Variants in CD36 observed in about 807,000 individuals in gnomAD.
The protein encoded by CD36 is platelet glycoprotein 4.
Under a neutral mutation model 55.2 loss-of-function variants are expected in CD36, and 119 were observed. The observed-to-expected ratio is 2.15, with a 90% CI of 1.86 to 2.51. The LOEUF (loss-of-function observed/expected upper bound fraction) is 2.51, where lower values mean the gene tolerates loss of function less well. Among genes scored for constraint, CD36 ranks in the 30% most tolerant of loss-of-function variants. The pLI is 0.00. For synonymous variants in CD36, 186 were observed against 193.6 expected (o/e 0.96, Z 0.33); for missense variants, 819 against 555.5 (o/e 1.47, Z -4.77).
chr7:80,646,593 C>A, intron 2 of CD36, 59 bp from the exon 3 acceptor site: 1 of 923,168 alleles, frequency 1.1e-6, no homozygotes. Flanking sequence ...TTTCTTTGTA[C>A]TTTGATCTTT....
chr7:80,672,573 T>C (rs1797800082), intron 11 of CD36, among the ~76,000 whole-genome samples, 197 bp from the exon 12 acceptor site: 1 of 151,440 alleles, frequency 6.6e-6, no homozygotes, highest in Admixed American at 6.6e-5. Flanking sequence ...TGACATTCGA[T>C]TGGGCAAATA....
intron 9 of CD36, chr7:80,670,342 T>G: frequency 2.8e-6 from 1 of 352,300 alleles, no homozygotes; most frequent in Non-Finnish European, 5.3e-6. Flanking sequence ...TAATGTGCTC[T>G]GCTCAGATTT....
At chr7:80,676,326 A>C (rs370086586) in intron 14 of CD36, 58 bp from the exon 15 acceptor site, 27 of 152,164 alleles carry the variant, frequency 1.8e-4, no homozygotes, top group South Asian at 4.1e-4. Flanking sequence ...ACAAAAAAAA[A>C]CCCAGCAGCT....
intron 1 of CD36, among the ~76,000 whole-genome samples, chr7:80,618,374 C>T (rs1034829502): frequency 2.0e-5 from 3 of 152,110 alleles, no homozygotes; most frequent in Non-Finnish European, 2.9e-5. Flanking sequence ...CAATTTATAA[C>T]CCTACAATGG....
Position 80,605,417 on chromosome 7 carries a change from A to T in CD36, c.-184+3038A>T, listed in dbSNP as rs544558464. Among the ~76,000 whole-genome samples the T allele has an allele frequency of 2.6e-5, 4 of 152,260 alleles. No homozygotes were observed. The South Asian group carries it at 8.3e-4, about 32-fold the overall frequency. ...AACTGTTAGTTAATGGTGAAAGCAT[A>T]TTCATCATTTTATGGACACTTTTCC... On this transcript the variant is annotated intron_variant, in intron 1 of 13. Coordinates refer to the CD36 transcript ENST00000309881.
At chr7:80,650,885 CTT>C (rs1455935140) in intron 3 of CD36, among the ~76,000 whole-genome samples, 1 of 143,618 alleles carries the variant, frequency 7.0e-6, no homozygotes, top group African/African-American at 2.6e-5. Flanking sequence ...GACCGTGATT[CTT>C]AATAGAGTTG....
At chr7:80,671,731 GCTTTA>G (rs1258621393) in intron 10 of CD36, among the ~76,000 whole-genome samples, 186 bp from the exon 11 acceptor site, 2 of 151,950 alleles carry the variant, frequency 1.3e-5, no homozygotes, top group Non-Finnish European at 2.9e-5. Flanking sequence ...CTGCCTGAAA[GCTTTA>G]CATATTGAAA....
At chr7:80,614,548 C>T (rs1428953431) in intron 1 of CD36, among the ~76,000 whole-genome samples, 1 of 152,094 alleles carries the variant, frequency 6.6e-6, no homozygotes, top group Non-Finnish European at 1.5e-5. Context: ...GTCTCTTGTA[C>T]ATTAGTCTGT....
At chr7:80,634,677 T>C (rs1309492428), upstream of CD36, among the ~76,000 whole-genome samples, 1 of 152,138 alleles carries the variant, frequency 6.6e-6, no homozygotes, top group African/African-American at 2.4e-5. Context: ...GTTGCAATAT[T>C]TGTTACTCAA....
In CD36 at chr7:80,661,127, C is replaced by T. The variant is rs748962842; in HGVS notation, c.346C>T (p.Gln116Ter). ...DAEDNTVSFL[Q>*]PNGAIFEPSL... is the part of the protein sequence containing the mutation. ...TGAGGACAACACAGTCTCTTTCCTGCAGCCCAATGGTGCCATCTTCGAACC... is the reference window on the plus strand; with the variant it reads ...TGAGGACAACACAGTCTCTTTCCTGTAGCCCAATGGTGCCATCTTCGAACC... Residue 116 changes from glutamine (Q) to a stop codon, truncating the protein, a stop_gained, in exon 5 of 15, where the codon CAG becomes TAG. Coordinates refer to ENST00000447544, the MANE Select transcript of CD36 (RefSeq NM_001001548.3). LOFTEE classifies it high-confidence loss of function. 2 of 1,613,842 alleles carry T rather than the reference C, an allele frequency of 1.2e-6. No homozygotes were observed. The highest frequency in any genetic ancestry group is 1.1e-5 in the South Asian group (1 of 91,086).
intron 3 of CD36, among the ~76,000 whole-genome samples, chr7:80,653,006 G>A (rs941348235): frequency 3.3e-5 from 5 of 152,094 alleles, no homozygotes; most frequent in African/African-American, 1.2e-4. Flanking sequence ...TAACATTACT[G>A]TTATAATTTC....
intron 1 of CD36, among the ~76,000 whole-genome samples, chr7:80,617,827 C>T (rs891342221): frequency 3.3e-5 from 5 of 151,746 alleles, no homozygotes; most frequent in African/African-American, 1.2e-4. Context: ...ATATTCTTTT[C>T]AATTACATCT....
rs73150443 is a variant in CD36 at position 80,614,797 on chromosome 7, G to T, written c.-184+12418G>T. ...AAAACTGTGGGTGCCCTTGTTATTT[G>T]CTCTGCTACTTGTTAGCTTTATACT... On this transcript the variant is annotated intron_variant, in intron 1 of 13. Transcript: ENST00000309881. Among the ~76,000 whole-genome samples, 1,043 of 152,206 alleles carry T rather than the reference G, an allele frequency of 6.9e-3. 7 individuals are homozygous for T. Among genetic ancestry groups the T allele is most frequent in the Middle Eastern group, 0.024 (7 of 294 alleles).
At chr7:80,652,150 G>A (rs979971066) in intron 3 of CD36, among the ~76,000 whole-genome samples, 2 of 151,952 alleles carry the variant, frequency 1.3e-5, no homozygotes, top group African/African-American at 2.4e-5. Context: ...GTATAAAAAC[G>A]AATTAAACAC....
Position 80,620,295 on chromosome 7 carries a change from C to T in CD36, c.-184+17916C>T, listed in dbSNP as rs182695912. Among the ~76,000 whole-genome samples, 212 of 152,138 alleles carry T rather than the reference C, an allele frequency of 1.4e-3. 2 individuals are homozygous for T. The highest frequency in any genetic ancestry group is 5.0e-3 in the African/African-American group (207 of 41,520). On this transcript the variant is annotated intron_variant, in intron 1 of 13. Transcript: ENST00000309881. ...TGCGAGCTTAGTCCCCAAGATTGCC[C>T]CCTTCTTTCAACACTAGTCACAAGT...
intron 1 of CD36, among the ~76,000 whole-genome samples, chr7:80,614,771 G>A (rs1345887694): frequency 1.3e-5 from 2 of 152,120 alleles, no homozygotes; most frequent in Admixed American, 6.6e-5. Context: ...GATATCAGTT[G>A]AAAACTGTGG....
rs1476574173 is a variant in CD36, at chr7:80,677,301, T to A, written c.*918T>A. ...CTCTGTTTCTTGAGCAGGGGTTCAC[T>A]TATTCTGAGAGCATTAGTTCTCCTA... On this transcript the variant is annotated 3_prime_UTR_variant, in exon 15 of 15. Coordinates refer to ENST00000447544, the MANE Select transcript of CD36 (RefSeq NM_001001548.3). 1 of 152,204 alleles carries A rather than the reference T, an allele frequency of 6.6e-6. No individual in the cohort carries two copies. Among genetic ancestry groups the A allele is most frequent in the East Asian group, 1.9e-4 (1 of 5,200 alleles). 9.4% of individuals were successfully genotyped at this position (152,204 alleles called of 1,614,324 possible). A position where few individuals can be genotyped will look rare whatever the true frequency, so the allele number is the denominator to read the frequency against.
chr7:80,639,914 T>C (rs1433825746), intron 1 of CD36: 1 of 152,016 alleles, frequency 6.6e-6, no homozygotes, highest in Admixed American at 6.6e-5. Flanking sequence ...GGGAAGAATA[T>C]TAATTACAAC....
chr7:80,622,908 A>G (rs1793546857), intron 1 of CD36, among the ~76,000 whole-genome samples: 1 of 152,202 alleles, frequency 6.6e-6, no homozygotes, highest in Non-Finnish European at 1.5e-5. Context: ...TTGTCTTGGT[A>G]AATATTGGTA....
Sources: gnomAD v4.1 joint callset for allele counts (sites outside exome capture counted in the v4.1 genomes callset) on GRCh38, gnomAD v4.1.1 for gene constraint, MANE v1.5 for transcripts, NCBI Gene and HGNC (gene_info 2026-07-23, HGNC 2026-07-21) for gene names.